The following RBM23 variants were observed in gnomAD, a reference collection of about 807,000 sequenced individuals.
The protein encoded by RBM23 is RNA binding motif protein 23.
RBM23 carries 53 observed loss-of-function variants against 56.2 expected under a neutral mutation model. That is an observed-to-expected ratio of 0.94 (90% CI 0.76 to 1.19). RBM23 has a LOEUF of 1.19. RBM23 is among the 50% of genes most tolerant of loss of function. The pLI, the probability that RBM23 is intolerant of heterozygous loss-of-function variation, is 0.00. For missense variants in RBM23, 642 were observed against 590.3 expected, an observed-to-expected ratio of 1.09 and a Z score of -0.91; for synonymous variants, 197 against 198.5, an observed-to-expected ratio of 0.99 and a Z score of 0.06.
chr14:22,902,756 C>CCTTTTTTTTTTT lies in RBM23; in HGVS notation c.931-375_931-374insAAAAAAAAAAAG, dbSNP rs1555336814. 5.8e-5 allele frequency: 25 copies of CCTTTTTTTTTTT among 432,480 alleles called. 12 individuals are homozygous for CCTTTTTTTTTTT. The highest frequency in any genetic ancestry group is 2.9e-4 in the African/African-American group (9 of 31,410). The allele number at this position is 432,480 out of a possible 1,614,324, so 26.8% of individuals were successfully genotyped here. A position where few individuals can be genotyped will look rare whatever the true frequency, so the allele number is the denominator to read the frequency against. Reference sequence around the variant, plus strand: ...GTTCTCTATCCTAGTAAGTTTTAGTCTTTTTTTTTTTTTTTTTTTTTTTTT... The same window carrying CCTTTTTTTTTTT: ...GTTCTCTATCCTAGTAAGTTTTAGTCCTTTTTTTTTTTTTTTTTTTTTTTTTTTTTTTTTTTT... On this transcript the variant is annotated intron_variant, in intron 10 of 13. Transcript: ENST00000359890.
chr14:22,906,257 C>T lies in RBM23; in HGVS notation c.339G>A (p.Ser113=), dbSNP rs770101594. ...CCTCACGACGATGGTCCCGACTTCGCGACTCACTACCATGTCGACGATCCC... is the reference window on the plus strand; with the variant it reads ...CCTCACGACGATGGTCCCGACTTCGTGACTCACTACCATGTCGACGATCCC... ...RSWDRRHGSE[S]RSRDHRREDR... Residue 113 remains serine, a synonymous_variant, in exon 5 of 14, where the codon TCG becomes TCA. Coordinates refer to ENST00000359890, the MANE Select transcript of RBM23 (RefSeq NM_001077351.2). 35 of 1,614,118 alleles carry T rather than the reference C, an allele frequency of 2.2e-5. No individual in the cohort carries two copies. Among genetic ancestry groups the T allele is most frequent in the African/African-American group, 1.3e-4 (10 of 74,944 alleles).
chr14:22,904,097 A>G (rs2041097313), intron 10 of RBM23, 164 bp downstream of exon 10: 2 of 1,534,704 alleles, frequency 1.3e-6, no homozygotes, highest in Middle Eastern at 1.7e-4. Flanking sequence ...GATCTCAAGC[A>G]ATGCACTCAT....
rs761437876 is a variant in RBM23, at chr14:22,906,238, G to A, written c.358C>T (p.Arg120Cys). Residue 120 changes from arginine (R) to cysteine (C), a missense_variant, in exon 5 of 14, where the codon CGT (arginine) becomes TGT (cysteine). Coordinates refer to ENST00000359890, the MANE Select transcript of RBM23 (RefSeq NM_001077351.2). ...CTCCTGTAATGCACACGATCCTCAC[G>A]ACGATGGTCCCGACTTCGCGACTCA... The part of the protein sequence containing the change: ...GSESRSRDHR[R>C]EDRVHYRSPP... The A allele has an allele frequency of 2.2e-5, 36 of 1,614,104 alleles. No individual in the cohort carries two copies. The African/African-American group carries it at 2.5e-4, about 11-fold the overall frequency.
Position 22,896,027 on chromosome 14 carries a change from A to G in RBM23, c.*5703T>C, listed in dbSNP as rs767907589. The G allele has an allele frequency of 5.3e-5, 8 of 152,118 alleles. No homozygotes were observed. Among genetic ancestry groups the G allele is most frequent in the African/African-American group, 7.2e-5 (3 of 41,426 alleles). The allele number at this position is 152,118 out of a possible 1,614,324, so 9.4% of individuals were successfully genotyped here. On this transcript the variant is annotated 3_prime_UTR_variant, in exon 14 of 14. Transcript: ENST00000359890. ...TGGGGCTTCAGTGCAGGAACAATTT[A>G]TTTATTTAAAAATGAAGATTTATTT... is the stretch of plus-strand genomic sequence containing the variant.
chr14:22,910,325 G>A (rs2139039809), intron 2 of RBM23, among the ~76,000 whole-genome samples: 1 of 150,082 alleles, frequency 6.7e-6, no homozygotes, highest in East Asian at 2.0e-4. Context: ...CAGGGGTGGT[G>A]GCACATGCCT....
At chr14:22,918,671 G>C (rs2139185908) in intron 1 of RBM23, among the ~76,000 whole-genome samples, 1 of 152,278 alleles carries the variant, frequency 6.6e-6, no homozygotes, top group African/African-American at 2.4e-5. Flanking sequence ...AGGCCGCGGA[G>C]GGTCGATGCT....
At position 22,910,144 on chromosome 14, in the gene RBM23, T is replaced by A. The variant is rs1243035551; in HGVS notation, c.67-549A>T. On this transcript the variant is annotated intron_variant, in intron 2 of 13. Transcript: ENST00000359890. ...TCCAGCCTGGGCAGCCTAGTGAGAC[T>A]CTGTCTCAAAAAAAAAAAAAAAAAA... Among the ~76,000 whole-genome samples, 15 of 35,350 alleles carry A rather than the reference T, an allele frequency of 4.2e-4. No homozygotes were observed. The Admixed American group carries it at 5.4e-3, about 13-fold the overall frequency. The allele number at this position is 35,350 out of a possible 152,430, so 23.2% of individuals were successfully genotyped here.
Position 22,911,401 on chromosome 14 carries a change from G to C in RBM23, c.-8C>G. 1 of 1,611,104 alleles carries C rather than the reference G, an allele frequency of 6.2e-7. No homozygotes were observed. The highest frequency in any genetic ancestry group is 8.5e-7 in the Non-Finnish European group (1 of 1,177,630). ...AAAGTCATCAGATGCCATCCTGTCAGATCTGGGGAGAGGATATTAATATGT... is the reference window on the plus strand; with the variant it reads ...AAAGTCATCAGATGCCATCCTGTCACATCTGGGGAGAGGATATTAATATGT... On this transcript the variant is annotated splice_region_variant and 5_prime_UTR_variant, in exon 2 of 14. The change creates a new upstream start codon in the 5' untranslated region. Transcript: ENST00000359890.
chr14:22,909,701 A>AT, intron 2 of RBM23, 106 bp from the exon 3 acceptor site: 3 of 797,984 alleles, frequency 3.8e-6, no homozygotes, highest in Non-Finnish European at 6.4e-6. Context: ...AAACCACTTG[A>AT]TTATCTAGCC....
chr14:22,908,881 A>G (rs2042011515), intron 3 of RBM23: 1 of 155,208 alleles, frequency 6.4e-6, no homozygotes, highest in African/African-American at 2.4e-5. Flanking sequence ...AGGCATCTGA[A>G]GAGGCCATTT....
Position 22,901,823 on chromosome 14 carries a change from G to T in RBM23, c.1307C>A (p.Pro436His), listed in dbSNP as rs566684640. 7 of 1,614,070 alleles carry T rather than the reference G, an allele frequency of 4.3e-6. No homozygotes were observed. The highest frequency in any genetic ancestry group is 5.9e-6 in the Non-Finnish European group (7 of 1,180,022). Residue 436 changes from proline to histidine, a missense_variant, in exon 13 of 14, where the codon CCC becomes CAC. Pro to His is a moderately conservative substitution (Grantham distance 77). Transcript: ENST00000359890. ...QCFQLSSLFTPQTM is the reference protein window; with the variant it reads ...QCFQLSSLFTHQTM ...AGACCCTGAGACTCACATGGTCTGG[G>T]GGGTAAAGAGGCTGGAGAGCTGGAA...
Position 22,906,339 on chromosome 14 carries a change from C to T in RBM23, c.257G>A (p.Arg86Gln), listed in dbSNP as rs761367130. The change falls in exon 5 of 14, where the codon CGG (arginine) becomes CAG (glutamine). Residue 86 changes from arginine (R) to glutamine (Q), a missense_variant. Physicochemically the swap from Arg to Gln is conservative, Grantham distance 43 (BLOSUM62 1). Coordinates refer to ENST00000359890, the MANE Select transcript of RBM23 (RefSeq NM_001077351.2). ...SRSRDRDRYR[R>Q]RNSRSRSPGR... is the part of the protein sequence containing the mutation. Reference sequence around the variant, plus strand: ...TGGACTTCGGCTCCGACTATTTCTCCGTCTATACCGATCCCGATCTCGACT... The same window carrying T: ...TGGACTTCGGCTCCGACTATTTCTCTGTCTATACCGATCCCGATCTCGACT... 29 of 1,614,106 alleles carry T rather than the reference C, an allele frequency of 1.8e-5. No homozygotes were observed. The highest frequency in any genetic ancestry group is 2.2e-5 in the East Asian group (1 of 44,898).
In RBM23 at chr14:22,899,354, T is replaced by C. The variant is rs867527139; in HGVS notation, c.*2376A>G. On this transcript the variant is annotated 3_prime_UTR_variant, in exon 14 of 14. Transcript: ENST00000359890. Reference sequence around the variant, plus strand: ...TGATGCAGGCACCATGCTCTTGAAATTCCCAGCCTCCAGAACTGTGAGAAA... The same window carrying C: ...TGATGCAGGCACCATGCTCTTGAAACTCCCAGCCTCCAGAACTGTGAGAAA... 4 of 152,572 alleles carry C rather than the reference T, an allele frequency of 2.6e-5. No individual in the cohort carries two copies. Among genetic ancestry groups the C allele is most frequent in the Middle Eastern group, 3.4e-3 (1 of 296 alleles). The allele number at this position is 152,572 out of a possible 1,614,324, so 9.5% of individuals were successfully genotyped here. A position where few individuals can be genotyped will look rare whatever the true frequency, so the allele number is the denominator to read the frequency against.
intron 1 of RBM23, among the ~76,000 whole-genome samples, chr14:22,913,136 C>T (rs10148215): frequency 0.57 from 85,641 of 151,200 alleles, 25,123 homozygotes; most frequent in East Asian, 0.79. Context: ...ACAAGAAGGC[C>T]GGGCGCGGTG....
At chr14:22,910,512 G>A (rs939996566) in intron 2 of RBM23, among the ~76,000 whole-genome samples, 1 of 150,046 alleles carries the variant, frequency 6.7e-6, no homozygotes, top group Non-Finnish European at 1.5e-5. Flanking sequence ...GGAAAGGAAG[G>A]GAGAAGGAGG....
Position 22,894,490 on chromosome 14 carries a change from G to A in RBM23, c.*7240C>T. ...CCAGCACTTTGGGAGGCCGAGGTGG[G>A]TGGATCACTTGAGGTCAAGAGAGAG... is the stretch of plus-strand genomic sequence containing the variant. On this transcript the variant is annotated 3_prime_UTR_variant, in exon 14 of 14. Coordinates refer to ENST00000359890, the MANE Select transcript of RBM23 (RefSeq NM_001077351.2). 6.6e-6 allele frequency: 1 copy of A among 152,152 alleles called. No individual in the cohort carries two copies. Among genetic ancestry groups the A allele is most frequent in the East Asian group, 1.9e-4 (1 of 5,186 alleles). The allele number at this position is 152,152 out of a possible 1,614,324, so 9.4% of individuals were successfully genotyped here.
intron 3 of RBM23, among the ~76,000 whole-genome samples, chr14:22,908,934 G>C (rs938352538): frequency 3.8e-4 from 57 of 151,002 alleles, no homozygotes; most frequent in African/African-American, 1.3e-3. Context: ...CCAAATCAGG[G>C]GTCCTCTTGC....
chr14:22,915,403 TAGTC>T (rs910648407), intron 1 of RBM23, among the ~76,000 whole-genome samples: 1 of 147,600 alleles, frequency 6.8e-6, no homozygotes, highest in Non-Finnish European at 1.5e-5. Context: ...TTTTCCGTGT[TAGTC>T]AGGCTGGTCT....
In RBM23 at chr14:22,902,178, A is replaced by G. The variant is rs1184809231; in HGVS notation, c.1126+9T>C. On this transcript the variant is annotated intron_variant, in intron 11 of 13. Coordinates refer to ENST00000359890, the MANE Select transcript of RBM23 (RefSeq NM_001077351.2). ...ACCCCATAATCTTCACCTTGCGGAGATATTTTACCTTCTGCCAGTTTTGCC... is the reference window on the plus strand; with the variant it reads ...ACCCCATAATCTTCACCTTGCGGAGGTATTTTACCTTCTGCCAGTTTTGCC... The G allele has an allele frequency of 3.7e-6, 6 of 1,612,692 alleles. No individual in the cohort carries two copies. The highest frequency in any genetic ancestry group is 1.3e-5 in the African/African-American group (1 of 74,880).
Sources: allele counts gnomAD v4.1 joint callset (sites outside exome capture counted in the v4.1 genomes callset), GRCh38; gene constraint gnomAD v4.1.1; transcripts MANE v1.5; gene names NCBI Gene and HGNC (gene_info 2026-07-23, HGNC 2026-07-21).